Variants in OR2T2 observed in about 807,000 individuals in gnomAD.
OR2T2 encodes the protein olfactory receptor family 2 subfamily T member 2.
For missense variants in OR2T2, 138 were observed against 409.1 expected, an observed-to-expected ratio of 0.34 and a Z score of 5.72; for synonymous variants, 50 against 162.7, an observed-to-expected ratio of 0.31 and a Z score of 5.27.
Position 248,453,116 on chromosome 1 carries a change from A to AC in OR2T2, c.322dup (p.Leu108ProfsTer15), listed in dbSNP as rs748522473. On this transcript the variant is annotated frameshift_variant, in exon 3 of 3. Coordinates refer to ENST00000642130, the Ensembl canonical transcript of OR2T2. LOFTEE classifies it low-confidence loss of function (END_TRUNC). ...TGCAGTTCAGATCTTCCTCTACCTG[A>AC]CCCTGATTGGAGGGGAATTCTTCCT... 3.8e-4 allele frequency: 611 copies of AC among 1,613,026 alleles called. No homozygotes were observed. The highest frequency in any genetic ancestry group is 4.0e-4 in the Non-Finnish European group (472 of 1,179,732).
chr1:248,445,785 T>TA (rs1216522254), intron 1 of OR2T2, 116 bp downstream of exon 1: 1 of 151,850 alleles, frequency 6.6e-6, no homozygotes, highest in Non-Finnish European at 1.5e-5. Context: ...GCTTATCTGC[T>TA]AATAACTGAG....
At chr1:248,453,163 C>T in exon 3 of OR2T2, 1 of 1,612,324 alleles carries the variant, frequency 6.2e-7, no homozygotes, top group Non-Finnish European at 8.5e-7. Context: ...TGGCCTATGA[C>T]CGCTATGTGG....
Position 248,453,689 on chromosome 1 carries a change from G to A in OR2T2, c.892G>A (p.Val298Met), listed in dbSNP as rs564285032. The A allele has an allele frequency of 5.6e-6, 9 of 1,603,070 alleles. No homozygotes were observed. The African/African-American group carries it at 7.2e-5, about 13-fold the overall frequency. The change falls in exon 3 of 3, where the codon GTG becomes ATG. Residue 298 changes from valine (V) to methionine (M), a missense_variant. Transcript: ENST00000642130. ...CATCTACAGCTTGAGGAATAAAGAT[G>A]TGGCTGCAGCTCTGAGGAAAGTACT...
Position 248,453,072 on chromosome 1 carries a change from C to A in OR2T2, c.275C>A (p.Thr92Asn), listed in dbSNP as rs1319299778. 6 of 1,612,984 alleles carry A rather than the reference C, an allele frequency of 3.7e-6. No individual in the cohort carries two copies. The highest frequency in any genetic ancestry group is 1.3e-5 in the African/African-American group (1 of 74,258). ...CAGGACCTCCTGTCCAAGGACAAGA[C>A]CATTTCCTTCCTGGGCTGTGCAGTT... The change falls in exon 3 of 3, where the codon ACC becomes AAC. Residue 92 changes from threonine to asparagine, a missense_variant. Coordinates refer to ENST00000642130, the Ensembl canonical transcript of OR2T2.
chr1:248,446,242 T>A (rs1662645222), intron 1 of OR2T2, among the ~76,000 whole-genome samples: 1 of 144,732 alleles, frequency 6.9e-6, no homozygotes, highest in African/African-American at 2.8e-5. Context: ...GATCTTTTTT[T>A]TTAATAAAAC....
chr1:248,446,954 T>C (rs1253916880), intron 2 of OR2T2, 143 bp downstream of exon 2: 1 of 146,198 alleles, frequency 6.8e-6, no homozygotes, highest in African/African-American at 2.7e-5. Context: ...ACTTCTATCT[T>C]ATGCCTAATT....
chr1:248,450,677 G>A (rs1369851922), intron 2 of OR2T2, among the ~76,000 whole-genome samples: 9 of 152,116 alleles, frequency 5.9e-5, no homozygotes, highest in Admixed American at 5.2e-4. Context: ...ATTTTTAAAA[G>A]GATGATTGTC....
At chr1:248,450,247 C>G (rs548567773) in intron 2 of OR2T2, among the ~76,000 whole-genome samples, 113 of 147,242 alleles carry the variant, frequency 7.7e-4, no homozygotes, top group African/African-American at 3.0e-3. Context: ...TATCCCCACC[C>G]ACTCACAGAT....
intron 2 of OR2T2, among the ~76,000 whole-genome samples, chr1:248,447,283 C>T (rs1430365799): frequency 2.0e-5 from 3 of 151,190 alleles, no homozygotes; most frequent in East Asian, 1.9e-4. Context: ...CTGGCCAAAG[C>T]CCACTGTGGC....
chr1:248,447,643 G>A (rs1355711826), intron 2 of OR2T2, among the ~76,000 whole-genome samples: 10 of 151,390 alleles, frequency 6.6e-5, no homozygotes, highest in African/African-American at 2.0e-4. Context: ...TTCGGAATCA[G>A]ACCGGTTTCC....
chr1:248,447,880 C>CGGATTG (rs1329783362), intron 2 of OR2T2, among the ~76,000 whole-genome samples: 1 of 146,848 alleles, frequency 6.8e-6, no homozygotes, highest in South Asian at 2.3e-4. Flanking sequence ...CTGCAATCCG[C>CGGATTG]CAGGTTGCTA....
In OR2T2 at chr1:248,453,453, A is replaced by G. The variant is rs370649004; in HGVS notation, c.656A>G (p.Tyr219Cys). 5.9e-5 allele frequency: 93 copies of G among 1,588,878 alleles called. 3 individuals are homozygous for G. The highest frequency in any genetic ancestry group is 1.7e-4 in the Middle Eastern group (1 of 5,964). The change falls in exon 3 of 3, where the codon TAC (tyrosine) becomes TGC (cysteine). Residue 219 changes from tyrosine to cysteine, a missense_variant. Transcript: ENST00000642130. ...CCTCTATCTGTCATCTCTGTCTCCT[A>G]CACGCACATCCTCCTGACTGTCCAC...
chr1:248,446,348 G>T (rs763442521), intron 1 of OR2T2, among the ~76,000 whole-genome samples: 4 of 145,044 alleles, frequency 2.8e-5, no homozygotes, highest in Non-Finnish European at 5.9e-5. Flanking sequence ...CATGTTGGAA[G>T]CTCAGGCTGT....
At chr1:248,449,355 G>A (rs1662738180) in intron 2 of OR2T2, 1 of 152,192 alleles carries the variant, frequency 6.6e-6, no homozygotes, top group South Asian at 2.1e-4. Context: ...CCTGGTAGAA[G>A]AACCTGTGAC....
At position 248,446,526 on chromosome 1, in the gene OR2T2, A is replaced by ACCTCG. The variant is rs1662659605; in HGVS notation, c.-245-58_-245-54dup. 1.4e-5 allele frequency: 2 copies of ACCTCG among 141,310 alleles called. 1 individual carries two copies. The highest frequency in any genetic ancestry group is 1.4e-4 in the Admixed American group (2 of 14,758). The allele number at this position is 141,310 out of a possible 1,614,324, so 8.8% of individuals were successfully genotyped here. A position where few individuals can be genotyped will look rare whatever the true frequency, so the allele number is the denominator to read the frequency against. On this transcript the variant is annotated intron_variant, in intron 1 of 2. Transcript: ENST00000642130. Reference sequence around the variant, plus strand: ...GGACTAGATGGGCTCGCCTCGCCTCACCTCGCCTCTGCTGCTCCTGTGTAA... The same window carrying ACCTCG: ...GGACTAGATGGGCTCGCCTCGCCTCACCTCGCCTCGCCTCTGCTGCTCCTGTGTAA...
At chr1:248,446,465 T>C (rs2000036) in intron 1 of OR2T2, 124 bp from the exon 2 acceptor site, 7,737 of 140,100 alleles carry the variant, frequency 0.055, 69 homozygotes, top group East Asian at 0.15. Flanking sequence ...TCCATGCCCT[T>C]ACTCTCCATT....
intron 2 of OR2T2, among the ~76,000 whole-genome samples, chr1:248,447,576 C>A (rs1662694717): frequency 6.7e-6 from 1 of 150,182 alleles, no homozygotes; most frequent in Middle Eastern, 3.2e-3. Flanking sequence ...CATTTGCGAG[C>A]CTTTTGACAT....
At chr1:248,453,850 G>A (rs192553060) in exon 3 of OR2T2, 1 of 1,205,634 alleles carries the variant, frequency 8.3e-7, no homozygotes, top group Non-Finnish European at 1.1e-6. Flanking sequence ...CAGGGGTGGT[G>A]ACTGATCAGG....
At position 248,453,744 on chromosome 1, in the gene OR2T2, G is replaced by T. The variant is rs1162866488; in HGVS notation, c.947G>T (p.Arg316Met). 3 of 1,610,534 alleles carry T rather than the reference G, an allele frequency of 1.9e-6. No individual in the cohort carries two copies. In the African/African-American group the frequency reaches 4.2e-5, roughly 22 times the overall value. ...AGATGTGGTTCCTCCCAGAGCATCA[G>T]GGTGGCGACTGTGATCAGGAAGGGC... The change falls in exon 3 of 3, where the codon AGG (arginine) becomes ATG (methionine). Residue 316 changes from arginine to methionine, a missense_variant. Coordinates refer to ENST00000642130, the Ensembl canonical transcript of OR2T2.
Sources: gnomAD v4.1 joint callset for allele counts (sites outside exome capture counted in the v4.1 genomes callset) on GRCh38, gnomAD v4.1.1 for gene constraint, MANE v1.5 for transcripts, NCBI Gene and HGNC (gene_info 2026-07-23, HGNC 2026-07-21) for gene names.